GRM3: variants seen among roughly 807,000 people sequenced by gnomAD.
The protein encoded by GRM3 is metabotropic glutamate receptor 3.
In GRM3, 26 loss-of-function variants were observed where a neutral mutation model predicts 70.5. That is an observed-to-expected ratio of 0.37 (90% CI 0.27 to 0.51). The LOEUF (loss-of-function observed/expected upper bound fraction) is 0.51. GRM3 is among the 20% of genes least tolerant of loss of function. GRM3 has a pLI of 0.93. For synonymous variants in GRM3, 443 were observed against 434.9 expected, an observed-to-expected ratio of 1.02 and a Z score of -0.23; for missense variants, 859 against 1,123.8, an observed-to-expected ratio of 0.76 and a Z score of 3.37.
chr7:86,739,611 A>G (rs1452240452), intron 1 of GRM3, among the ~76,000 whole-genome samples: 1 of 152,178 alleles, frequency 6.6e-6, no homozygotes, highest in Non-Finnish European at 1.5e-5. Context: ...TGGAAAGGCA[A>G]ATTTATAAAG....
At chr7:86,681,404 C>A (rs1479491659) in intron 1 of GRM3, among the ~76,000 whole-genome samples, 1 of 152,084 alleles carries the variant, frequency 6.6e-6, no homozygotes, top group Non-Finnish European at 1.5e-5. Flanking sequence ...TTCACGTTTT[C>A]TTTTTCCTCT....
intron 5 of GRM3, among the ~76,000 whole-genome samples, chr7:86,860,803 C>T (rs1020208394): frequency 3.4e-4 from 51 of 152,144 alleles, no homozygotes; most frequent in African/African-American, 1.1e-3. Context: ...GCAAGATATA[C>T]CTAATTTTTA....
intron 1 of GRM3, among the ~76,000 whole-genome samples, chr7:86,690,999 A>T (rs918118598): frequency 6.6e-6 from 1 of 152,174 alleles, no homozygotes; most frequent in African/African-American, 2.4e-5. Flanking sequence ...AAATTAACAT[A>T]GCCAAAACAG....
At chr7:86,750,368 G>A (rs1402580201) in intron 1 of GRM3, among the ~76,000 whole-genome samples, 1 of 152,060 alleles carries the variant, frequency 6.6e-6, no homozygotes, top group Non-Finnish European at 1.5e-5. Context: ...TGTAACACCA[G>A]TTTTGTCTAG....
At chr7:86,752,232 G>A (rs1486218639) in intron 1 of GRM3, among the ~76,000 whole-genome samples, 1 of 152,026 alleles carries the variant, frequency 6.6e-6, no homozygotes, top group East Asian at 1.9e-4. Flanking sequence ...GATAACTTTG[G>A]TATGTTTAGG....
intron 1 of GRM3, among the ~76,000 whole-genome samples, chr7:86,656,003 T>C (rs1046669013): frequency 6.6e-6 from 1 of 152,134 alleles, no homozygotes; most frequent in Non-Finnish European, 1.5e-5. Context: ...ACTCTTACTT[T>C]GAGATTCCCA....
intron 1 of GRM3, among the ~76,000 whole-genome samples, chr7:86,752,493 T>C (rs1009887921): frequency 2.6e-5 from 4 of 152,112 alleles, no homozygotes; most frequent in African/African-American, 9.7e-5. Context: ...AAGAGATATG[T>C]TAGTCTTGTT....
At chr7:86,680,502 A>G (rs1327184015) in intron 1 of GRM3, among the ~76,000 whole-genome samples, 1 of 152,114 alleles carries the variant, frequency 6.6e-6, no homozygotes, top group Non-Finnish European at 1.5e-5. Flanking sequence ...AGTTTTTACT[A>G]TAGGTTGCCA....
At chr7:86,851,058 G>A (rs993355325) in intron 5 of GRM3, among the ~76,000 whole-genome samples, 6 of 152,134 alleles carry the variant, frequency 3.9e-5, no homozygotes, top group Non-Finnish European at 7.4e-5. Flanking sequence ...CCCCTTGGAA[G>A]TTTACAGTAC....
In GRM3 at chr7:86,683,935, G is replaced by A. The variant is rs111577684; in HGVS notation, c.-141+39063G>A. Among the ~76,000 whole-genome samples the A allele has an allele frequency of 7.5e-3, 1,142 of 152,028 alleles. 20 individuals carry two copies. The highest frequency in any genetic ancestry group is 0.026 in the African/African-American group (1,072 of 41,458). Reference sequence around the variant, plus strand: ...TCATAAATGACCACTTTCCCAGGACGGTTTTTTAATTATCACAACAGAATG... The same window carrying A: ...TCATAAATGACCACTTTCCCAGGACAGTTTTTTAATTATCACAACAGAATG... On this transcript the variant is annotated intron_variant, in intron 1 of 5. Transcript: ENST00000361669.
intron 1 of GRM3, among the ~76,000 whole-genome samples, chr7:86,747,041 G>A (rs1175937962): frequency 6.6e-6 from 1 of 152,048 alleles, no homozygotes; most frequent in Non-Finnish European, 1.5e-5. Flanking sequence ...TGTAGACAAG[G>A]CTATTCACTG....
chr7:86,738,888 G>A (rs527918449), intron 1 of GRM3, among the ~76,000 whole-genome samples: 5 of 152,212 alleles, frequency 3.3e-5, no homozygotes, highest in East Asian at 1.9e-4. Flanking sequence ...CTGGTTTTTT[G>A]TGGTGAGAAC....
rs760168469 is a variant in GRM3, at chr7:86,786,305, C to T, written c.513C>T (p.Tyr171=). 2.7e-5 allele frequency: 43 copies of T among 1,613,912 alleles called. No homozygotes were observed. Among genetic ancestry groups the T allele is most frequent in the Non-Finnish European group, 3.3e-5 (39 of 1,179,948 alleles). The change falls in exon 3 of 6, where the codon TAC becomes TAT. Residue 171 remains tyrosine (Y), a synonymous_variant. Transcript: ENST00000361669. The surrounding 1 kb of genome is among the most constrained non-coding windows in gnomAD (Gnocchi z 6.0). ...LRLFQIPQIS[Y]ASTSAKLSDK... is the part of the protein sequence containing the mutation. ...TCTTCCAGATCCCTCAGATCAGCTA[C>T]GCATCCACCAGCGCCAAACTCAGTG...
intron 1 of GRM3, among the ~76,000 whole-genome samples, chr7:86,759,439 C>T (rs1273563194): frequency 6.6e-6 from 1 of 152,012 alleles, no homozygotes; most frequent in Non-Finnish European, 1.5e-5. Flanking sequence ...AATGAAATTT[C>T]CAAATTATTT....
intron 1 of GRM3, among the ~76,000 whole-genome samples, chr7:86,687,032 C>T (rs933644325): frequency 1.3e-5 from 2 of 151,640 alleles, no homozygotes; most frequent in African/African-American, 4.8e-5. Context: ...GAACTAAAGA[C>T]ATGTCAATAA....
At chr7:86,662,466 G>A (rs928138709) in intron 1 of GRM3, among the ~76,000 whole-genome samples, 14 of 151,374 alleles carry the variant, frequency 9.2e-5, no homozygotes, top group Admixed American at 6.6e-4. Flanking sequence ...TAATGAGCAG[G>A]GCATATTACC....
chr7:86,793,935 A>C (rs910323330), intron 3 of GRM3, among the ~76,000 whole-genome samples: 2 of 152,162 alleles, frequency 1.3e-5, no homozygotes, highest in African/African-American at 4.8e-5. Flanking sequence ...AATGGATCAT[A>C]CCACCTTGCT....
At chr7:86,826,712 T>G (rs1798241575) in intron 3 of GRM3, among the ~76,000 whole-genome samples, 1 of 152,200 alleles carries the variant, frequency 6.6e-6, no homozygotes, top group Non-Finnish European at 1.5e-5. Flanking sequence ...ATACAAATAT[T>G]TATTACCCTA....
At position 86,706,855 on chromosome 7, in the gene GRM3, C is replaced by A. The variant is rs115482792; in HGVS notation, c.-140-58151C>A. The stretch of plus-strand genomic sequence containing the variant: ...TCACAATTTCATCATATTAACAAAG[C>A]AAGTATTTTTATTACTTTGTATTTC... On this transcript the variant is annotated intron_variant, in intron 1 of 5. Coordinates refer to ENST00000361669, the MANE Select transcript of GRM3 (RefSeq NM_000840.3). Among the ~76,000 whole-genome samples, 847 of 152,086 alleles carry A rather than the reference C, an allele frequency of 5.6e-3. 8 individuals are homozygous for A. The highest frequency in any genetic ancestry group is 0.019 in the African/African-American group (801 of 41,506).
Sources: gnomAD v4.1 joint callset for allele counts (sites outside exome capture counted in the v4.1 genomes callset) on GRCh38, gnomAD v4.1.1 for gene constraint, Gnocchi (gnomAD v3.1) non-coding constraint, MANE v1.5 for transcripts, NCBI Gene and HGNC (gene_info 2026-07-23, HGNC 2026-07-21) for gene names.